Variants in AKT3 observed in about 807,000 individuals in gnomAD.
The protein encoded by AKT3 is RAC-gamma serine/threonine-protein kinase.
Under a neutral mutation model 65.3 loss-of-function variants are expected in AKT3, and 15 were observed. The ratio of observed to expected loss-of-function variants is 0.23; its 90% confidence interval spans 0.15 to 0.35. The LOEUF is 0.35. AKT3 is among the 10% of genes least tolerant of loss of function. AKT3 has a pLI of 1.00. For missense variants in AKT3, 243 were observed against 576.5 expected (o/e 0.42, Z 5.92); for synonymous variants, 206 against 183.8 (o/e 1.12, Z -0.98).
chr1:243,739,378 A>G lies in AKT3; in HGVS notation c.47-43662T>C, dbSNP rs182317898. 243 of 152,248 alleles carry G rather than the reference A, an allele frequency of 1.6e-3. 1 individual carries two copies. Among genetic ancestry groups the G allele is most frequent in the African/African-American group, 5.6e-3 (233 of 41,532 alleles). 9.4% of individuals were successfully genotyped at this position (152,248 alleles called of 1,614,324 possible). A position where few individuals can be genotyped will look rare whatever the true frequency, so the allele number is the denominator to read the frequency against. ...ACACCTATAATATAGGTCAATTCGCACTCTAAATTTTCAATAACTTATGTG... is the reference window on the plus strand; with the variant it reads ...ACACCTATAATATAGGTCAATTCGCGCTCTAAATTTTCAATAACTTATGTG... On this transcript the variant is annotated intron_variant, in intron 2 of 13. Coordinates refer to ENST00000673466, the MANE Select transcript of AKT3 (RefSeq NM_005465.7).
At chr1:243,544,707 T>TG (rs1449566093) in intron 12 of AKT3, among the ~76,000 whole-genome samples, 1 of 146,784 alleles carries the variant, frequency 6.8e-6, no homozygotes, top group African/African-American at 2.6e-5. Context: ...TGTTTTTTGT[T>TG]TTTTTTTTTT....
intron 2 of AKT3, among the ~76,000 whole-genome samples, chr1:243,838,935 G>T (rs1207605256): frequency 6.6e-6 from 1 of 152,004 alleles, no homozygotes. Context: ...ACACGAGCAT[G>T]GAACATTTTC....
At chr1:243,634,430 C>T (rs1679828173) in intron 6 of AKT3, among the ~76,000 whole-genome samples, 1 of 151,762 alleles carries the variant, frequency 6.6e-6, no homozygotes, top group South Asian at 2.1e-4. Flanking sequence ...AGTAGATTAA[C>T]AGCTACTATT....
intron 8 of AKT3, among the ~76,000 whole-genome samples, chr1:243,610,333 C>A (rs574260696): frequency 6.6e-6 from 1 of 152,182 alleles, no homozygotes; most frequent in African/African-American, 2.4e-5. Context: ...GAAGCACCAA[C>A]TATGTACAAG....
At chr1:243,545,646 C>T (rs1672612231) in intron 11 of AKT3, 49 bp from the exon 12 acceptor site, 1 of 1,302,854 alleles carries the variant, frequency 7.7e-7, no homozygotes, top group Non-Finnish European at 1.1e-6. Context: ...TTTACATAAG[C>T]TCAAAGCATA....
chr1:243,753,865 T>C (rs111454898), intron 2 of AKT3, among the ~76,000 whole-genome samples: 3 of 152,318 alleles, frequency 2.0e-5, no homozygotes, highest in African/African-American at 7.2e-5. Flanking sequence ...TCTTTTCCCA[T>C]GAAGCCTTCT....
chr1:243,767,680 C>T (rs1160571543), intron 2 of AKT3, among the ~76,000 whole-genome samples: 1 of 151,894 alleles, frequency 6.6e-6, no homozygotes, highest in African/African-American at 2.4e-5. Context: ...CTGAGATTTG[C>T]TTCAAAATAA....
chr1:243,719,299 A>C (rs1436095289), intron 2 of AKT3, among the ~76,000 whole-genome samples: 1 of 152,194 alleles, frequency 6.6e-6, no homozygotes, highest in Non-Finnish European at 1.5e-5. Flanking sequence ...ATTTATTCAC[A>C]TAACTCTCTG....
intron 12 of AKT3, among the ~76,000 whole-genome samples, chr1:243,522,019 C>T (rs1293232726): frequency 6.6e-6 from 1 of 152,184 alleles, no homozygotes; most frequent in Non-Finnish European, 1.5e-5. Flanking sequence ...GGAGAGGATT[C>T]ACCTATAAAT....
downstream of AKT3, among the ~76,000 whole-genome samples, chr1:243,497,350 G>C (rs989122886): frequency 6.8e-6 from 1 of 147,036 alleles, no homozygotes; most frequent in African/African-American, 2.6e-5. Context: ...GGGGGGGGGC[G>C]TTGAGCAGTG....
intron 2 of AKT3, among the ~76,000 whole-genome samples, chr1:243,753,508 C>T (rs528419336): frequency 6.6e-6 from 1 of 152,108 alleles, no homozygotes; most frequent in African/African-American, 2.4e-5. Flanking sequence ...TATATACACA[C>T]AAATGACCCT....
intron 2 of AKT3, among the ~76,000 whole-genome samples, chr1:243,784,271 A>G (rs1003496142): frequency 6.6e-6 from 1 of 152,078 alleles, no homozygotes; most frequent in Non-Finnish European, 1.5e-5. Context: ...GAACAAACAT[A>G]ATCCATTTGA....
At chr1:243,813,826 T>G (rs971790269) in intron 2 of AKT3, among the ~76,000 whole-genome samples, 3 of 152,194 alleles carry the variant, frequency 2.0e-5, no homozygotes, top group Non-Finnish European at 4.4e-5. Context: ...GTATATGGAC[T>G]GGGCACAGTG....
At chr1:243,719,421 C>T (rs973937440) in intron 2 of AKT3, among the ~76,000 whole-genome samples, 1 of 152,192 alleles carries the variant, frequency 6.6e-6, no homozygotes, top group Non-Finnish European at 1.5e-5. Context: ...GAGTCACACC[C>T]CAATTTCTCA....
intron 2 of AKT3, among the ~76,000 whole-genome samples, chr1:243,734,699 C>G (rs1687746712): frequency 6.6e-6 from 1 of 152,146 alleles, no homozygotes; most frequent in Non-Finnish European, 1.5e-5. Flanking sequence ...AAACACCGTA[C>G]ACTTAGGCTA....
At chr1:243,743,182 ACT>A (rs1014382646) in intron 2 of AKT3, among the ~76,000 whole-genome samples, 18 of 152,174 alleles carry the variant, frequency 1.2e-4, no homozygotes, top group African/African-American at 4.3e-4. Context: ...AATCTTCCAA[ACT>A]CTGTGTTCAA....
intron 2 of AKT3, among the ~76,000 whole-genome samples, chr1:243,745,227 C>A (rs1300798469): frequency 6.6e-6 from 1 of 151,966 alleles, no homozygotes; most frequent in African/African-American, 2.4e-5. Flanking sequence ...ACAGTCCCAG[C>A]TACTCAAGAG....
chr1:243,745,686 T>G (rs181290907), intron 2 of AKT3, among the ~76,000 whole-genome samples: 32 of 152,196 alleles, frequency 2.1e-4, no homozygotes, highest in African/African-American at 6.7e-4. Context: ...CATTATAGGA[T>G]TTATTTTGAT....
intron 2 of AKT3, among the ~76,000 whole-genome samples, chr1:243,780,740 T>C (rs969734709): frequency 6.6e-6 from 1 of 151,968 alleles, no homozygotes; most frequent in Non-Finnish European, 1.5e-5. Flanking sequence ...CTAACTTTTA[T>C]ACAGGGCTGA....
Sources: allele counts gnomAD v4.1 joint callset (sites outside exome capture counted in the v4.1 genomes callset), GRCh38; gene constraint gnomAD v4.1.1; transcripts MANE v1.5; gene names NCBI Gene and HGNC (gene_info 2026-07-23, HGNC 2026-07-21).